ZGRF1: variants seen among roughly 807,000 people sequenced by gnomAD.
ZGRF1 encodes 5'-3' DNA helicase ZGRF1.
A neutral mutation model predicts 203.5 loss-of-function variants in ZGRF1; 196 were observed. The ratio of observed to expected loss-of-function variants is 0.96; its 90% CI spans 0.86 to 1.08. The LOEUF (loss-of-function observed/expected upper bound fraction) is 1.08. ZGRF1 is among the 50% of genes least tolerant of loss of function. ZGRF1 has a pLI of 0.00. For synonymous variants in ZGRF1, 809 were observed against 841.3 expected, an observed-to-expected ratio of 0.96 and a Z score of 0.66; for missense variants, 2,326 against 2,416.3, an observed-to-expected ratio of 0.96 and a Z score of 0.78.
chr4:112,604,413 C>T lies in ZGRF1; in HGVS notation c.2803-716G>A, dbSNP rs1750463819. Among the ~76,000 whole-genome samples, 3 of 152,262 alleles carry T rather than the reference C, an allele frequency of 2.0e-5. No homozygotes were observed. In the South Asian group the frequency reaches 6.2e-4, roughly 32 times the overall value. On this transcript the variant is annotated intron_variant, in intron 9 of 27. Transcript: ENST00000505019. Reference sequence around the variant, plus strand: ...TACAATACTATATATTATAGACTCACAACTTCATACTTCAATGAAGTTTTT... The same window carrying T: ...TACAATACTATATATTATAGACTCATAACTTCATACTTCAATGAAGTTTTT...
At position 112,585,507 on chromosome 4, in the gene ZGRF1, T is replaced by C. The variant is rs377105926; in HGVS notation, c.4101+34A>G. On this transcript the variant is annotated intron_variant, in intron 14 of 27. Transcript: ENST00000505019. The stretch of plus-strand genomic sequence containing the variant: ...ATCTAAACCCTTTATAAGACAAGTA[T>C]TTGGTATGGTAGGGGGAGGGGAAGC... The C allele has an allele frequency of 2.2e-4, 340 of 1,556,852 alleles. No individual in the cohort carries two copies. The highest frequency in any genetic ancestry group is 2.9e-4 in the Non-Finnish European group (329 of 1,146,900).
At position 112,565,155 on chromosome 4, in the gene ZGRF1, G is replaced by C. The variant is rs142523751; in HGVS notation, c.4439-1881C>G. ...CGCTCCGTGAAATTAGATGTTATCA[G>C]AAGTCCACTGAACTTCTGATTCGCT... is the stretch of plus-strand genomic sequence containing the variant. On this transcript the variant is annotated intron_variant, in intron 16 of 27. Transcript: ENST00000505019. The C allele has an allele frequency of 3.6e-4, 530 of 1,467,222 alleles. 2 individuals are homozygous for C. The African/African-American group carries it at 6.9e-3, about 19-fold the overall frequency. The allele number at this position is 1,467,222 out of a possible 1,614,324, so 90.9% of individuals were successfully genotyped here.
chr4:112,540,923 T>C lies in ZGRF1; in HGVS notation c.5808A>G (p.Ala1936=). 6.3e-7 allele frequency: 1 copy of C among 1,576,048 alleles called. No homozygotes were observed. The highest frequency in any genetic ancestry group is 8.6e-7 in the Non-Finnish European group (1 of 1,158,976). The change falls in exon 26 of 28, where the codon GCA becomes GCG. Residue 1936 remains alanine (A), a synonymous_variant. Transcript: ENST00000505019. The stretch of plus-strand genomic sequence containing the variant: ...TCAGCTTGAGTGTAAACGTAGCTTC[T>C]GCCACATTATGAAAGCTGTTATCTC... ...IERDNSFHNV[A]EATFTLKLIQ...
intron 24 of ZGRF1, among the ~76,000 whole-genome samples, 198 bp downstream of exon 24, chr4:112,547,087 A>C (rs1388417574): frequency 6.6e-6 from 1 of 152,118 alleles, no homozygotes; most frequent in Admixed American, 6.5e-5. Context: ...ATAGTGAAAA[A>C]ATTCTTTTTA....
chr4:112,589,630 T>C (rs1278501494), intron 11 of ZGRF1, 94 bp downstream of exon 11: 1 of 1,141,472 alleles, frequency 8.8e-7, no homozygotes, highest in Admixed American at 1.9e-5. Context: ...ACACTGAATC[T>C]GGTTCTAAGA....
At chr4:112,583,142 T>C (rs1173016919) in intron 15 of ZGRF1, among the ~76,000 whole-genome samples, 4 of 152,158 alleles carry the variant, frequency 2.6e-5, no homozygotes, top group African/African-American at 9.7e-5. Flanking sequence ...CATAAAATAA[T>C]TCATGCGAAG....
At chr4:112,636,148 A>G (rs1475264944) in intron 1 of ZGRF1, among the ~76,000 whole-genome samples, 2 of 152,222 alleles carry the variant, frequency 1.3e-5, no homozygotes, top group African/African-American at 4.8e-5. Context: ...GTCCACGTCT[A>G]CCAGACAATT....
intron 10 of ZGRF1, among the ~76,000 whole-genome samples, chr4:112,603,034 ATATG>A (rs1750217572): frequency 6.6e-6 from 1 of 151,840 alleles, no homozygotes; most frequent in South Asian, 2.1e-4. Flanking sequence ...ATTTCTTCTC[ATATG>A]TATTATGCTT....
intron 16 of ZGRF1, among the ~76,000 whole-genome samples, chr4:112,573,367 A>G (rs1483112788): frequency 3.3e-5 from 5 of 152,170 alleles, no homozygotes; most frequent in African/African-American, 1.2e-4. Context: ...GTACAAAGGC[A>G]TAATAATAAT....
chr4:112,570,065 C>T (rs1359614134), intron 16 of ZGRF1, among the ~76,000 whole-genome samples: 1 of 151,990 alleles, frequency 6.6e-6, no homozygotes, highest in African/African-American at 2.4e-5. Context: ...ACAGAGAGTG[C>T]ACCACAGAGG....
At chr4:112,614,084 A>T (rs544167560) in intron 6 of ZGRF1, among the ~76,000 whole-genome samples, 2 of 152,324 alleles carry the variant, frequency 1.3e-5, no homozygotes, top group South Asian at 4.1e-4. Context: ...AGCTATATAC[A>T]ATTATCTCAC....
At position 112,613,453 on chromosome 4, in the gene ZGRF1, C is replaced by CAA. The variant is rs148862887; in HGVS notation, c.2603-867_2603-866dup. On this transcript the variant is annotated intron_variant, in intron 6 of 27. Transcript: ENST00000505019. ...ACTAGGGAAATAGCAGTGAACAAGA[C>CAA]AAAAAAAAATTCCTTGAAAAAAGAG... is the stretch of plus-strand genomic sequence containing the variant. Among the ~76,000 whole-genome samples the CAA allele has an allele frequency of 1.0e-3, 152 of 150,800 alleles. 1 individual carries two copies. The highest frequency in any genetic ancestry group is 3.4e-3 in the African/African-American group (138 of 41,142).
chr4:112,632,050 A>T, intron 2 of ZGRF1, 40 bp from the exon 3 acceptor site: 1 of 1,001,358 alleles, frequency 1.0e-6, no homozygotes, highest in Non-Finnish European at 1.5e-6. Context: ...TTCCATTTAT[A>T]TATATTTAAT....
intron 22 of ZGRF1, among the ~76,000 whole-genome samples, chr4:112,550,879 C>T (rs1017899333): frequency 9.9e-5 from 15 of 152,196 alleles, no homozygotes; most frequent in African/African-American, 3.6e-4. Context: ...TAGAAGTCTA[C>T]AGTAGTGTAC....
rs955936099 is a variant in ZGRF1, at chr4:112,564,995, G to A, written c.4439-1721C>T. ...TAAGGAGGTCTCTGTACCATGGCTC[G>A]TACAAGGCAGACTGCCCACAAATCA... is the stretch of plus-strand genomic sequence containing the variant. On this transcript the variant is annotated intron_variant, in intron 16 of 27. Transcript: ENST00000505019. The A allele has an allele frequency of 7.7e-6, 7 of 905,430 alleles. No individual in the cohort carries two copies. The Admixed American group carries it at 8.5e-5, about 11-fold the overall frequency. 56.1% of individuals were successfully genotyped at this position (905,430 alleles called of 1,614,324 possible).
chr4:112,616,658 A>G (rs1184972213), intron 6 of ZGRF1, among the ~76,000 whole-genome samples: 1 of 151,768 alleles, frequency 6.6e-6, no homozygotes, highest in Non-Finnish European at 1.5e-5. Flanking sequence ...AACATAGTGA[A>G]ACCCTGTCTC....
Position 112,580,200 on chromosome 4 carries a change from T to A in ZGRF1, c.4438+1463A>T, listed in dbSNP as rs201263379. Among the ~76,000 whole-genome samples, 4 of 103,772 alleles carry A rather than the reference T, an allele frequency of 3.9e-5. 2 individuals are homozygous for A. The highest frequency in any genetic ancestry group is 8.7e-5 in the Non-Finnish European group (4 of 46,202). The allele number at this position is 103,772 out of a possible 152,430, so 68.1% of individuals were successfully genotyped here. ...GAAAGGATTCCCTATTTAACAAATG[T>A]TGCTGGGAAAACTGGCTAGCCATAT... is the stretch of plus-strand genomic sequence containing the variant. On this transcript the variant is annotated intron_variant, in intron 16 of 27. Coordinates refer to ENST00000505019, the MANE Select transcript of ZGRF1 (RefSeq NM_018392.5).
At position 112,543,377 on chromosome 4, in the gene ZGRF1, T is replaced by C. The variant is rs568500389; in HGVS notation, c.5599-2109A>G. 4.6e-5 allele frequency among the ~76,000 whole-genome samples: 7 copies of C among 152,308 alleles called. No homozygotes were observed. In the East Asian group the frequency reaches 1.2e-3, roughly 25 times the overall value. ...GCTTTTGAAATTCTCGTAAATGGCA[T>C]TTTACTATAATTATCCCTTTGTGCT... On this transcript the variant is annotated intron_variant, in intron 24 of 27. Coordinates refer to ENST00000505019, the MANE Select transcript of ZGRF1 (RefSeq NM_018392.5).
At chr4:112,624,420 G>A (rs1440720442) in intron 3 of ZGRF1, among the ~76,000 whole-genome samples, 1 of 151,674 alleles carries the variant, frequency 6.6e-6, no homozygotes, top group African/African-American at 2.4e-5. Flanking sequence ...TCACGCCACT[G>A]CATTCCAGCC....
Sources: allele counts gnomAD v4.1 joint callset (sites outside exome capture counted in the v4.1 genomes callset), GRCh38; gene constraint gnomAD v4.1.1; transcripts MANE v1.5; gene names NCBI Gene and HGNC (gene_info 2026-07-23, HGNC 2026-07-21).